Variants in CRYBB2 observed in about 807,000 individuals in gnomAD.
CRYBB2 encodes beta-crystallin B2.
Under a neutral mutation model 24.3 loss-of-function variants are expected in CRYBB2, and 12 were observed. The observed-to-expected ratio is 0.49, with a 90% CI of 0.32 to 0.80. The LOEUF (loss-of-function observed/expected upper bound fraction) is 0.80, where lower values mean the gene tolerates loss of function less well. Among genes scored for constraint, CRYBB2 ranks in the 30% least tolerant of loss-of-function variants. The pLI is 0.04. For synonymous variants in CRYBB2, 98 were observed against 101.6 expected, an observed-to-expected ratio of 0.96 and a Z score of 0.21; for missense variants, 198 against 268.5, an observed-to-expected ratio of 0.74 and a Z score of 1.83.
intron 3 of CRYBB2, among the ~76,000 whole-genome samples, chr22:25,225,533 A>C (rs1465213745): frequency 3.9e-5 from 6 of 152,000 alleles, no homozygotes; most frequent in South Asian, 2.1e-4. Context: ...TTTTTGGCAC[A>C]CTTGGGGGCC....
upstream of CRYBB2, among the ~76,000 whole-genome samples, chr22:25,215,938 T>C (rs368551976): frequency 1.1e-4 from 17 of 152,170 alleles, no homozygotes; most frequent in African/African-American, 4.1e-4. Context: ...GCTGTGCAAA[T>C]TTGGGCAAGT....
chr22:25,219,177 C>A (rs1935278425), upstream of CRYBB2, among the ~76,000 whole-genome samples: 1 of 152,184 alleles, frequency 6.6e-6, no homozygotes, highest in Non-Finnish European at 1.5e-5. Flanking sequence ...CTCTTCCTGA[C>A]ACTCCCCTGG....
chr22:25,214,200 C>A (rs1044274109), intron 1 of CRYBB2, among the ~76,000 whole-genome samples: 3 of 152,144 alleles, frequency 2.0e-5, no homozygotes, highest in Non-Finnish European at 4.4e-5. Context: ...TAGCTGTGCA[C>A]AGATGTGAAA....
rs765024256 is a variant in CRYBB2 at position 25,231,702 on chromosome 22, A to G, written c.548A>G (p.Gln183Arg). The change falls in exon 6 of 6, where the codon CAG becomes CGG. Residue 183 changes from glutamine to arginine, a missense_variant. Coordinates refer to ENST00000398215, the MANE Select transcript of CRYBB2 (RefSeq NM_000496.3). ...DSSDFGAPHPQVQSVRRIRDM... is the reference protein window; with the variant it reads ...DSSDFGAPHPRVQSVRRIRDM... ...AGCGACTTTGGGGCCCCTCACCCCCAGGTGCAGTCCGTGCGCCGTATCCGC... is the reference window on the plus strand; with the variant it reads ...AGCGACTTTGGGGCCCCTCACCCCCGGGTGCAGTCCGTGCGCCGTATCCGC... 1.2e-6 allele frequency: 2 copies of G among 1,614,014 alleles called. No individual in the cohort carries two copies. Among genetic ancestry groups the G allele is most frequent in the East Asian group, 2.2e-5 (1 of 44,880 alleles).
chr22:25,219,953 C>T (rs1935291136), intron 1 of CRYBB2, among the ~76,000 whole-genome samples: 1 of 152,030 alleles, frequency 6.6e-6, no homozygotes, highest in Admixed American at 6.6e-5. Flanking sequence ...CCTTGTTTCG[C>T]CAGTCGCTGA....
upstream of CRYBB2, among the ~76,000 whole-genome samples, chr22:25,219,121 G>A (rs553454095): frequency 2.6e-5 from 4 of 152,212 alleles, no homozygotes; most frequent in Non-Finnish European, 4.4e-5. Flanking sequence ...TGAGGGATGC[G>A]CTACCTCCCA....
upstream of CRYBB2, among the ~76,000 whole-genome samples, chr22:25,215,318 G>C (rs1272090123): frequency 6.6e-6 from 1 of 152,238 alleles, no homozygotes. Context: ...TGTGCCTTAA[G>C]GATATGCTCC....
At chr22:25,224,141 A>C (rs1027687650) in intron 2 of CRYBB2, among the ~76,000 whole-genome samples, 5 of 151,358 alleles carry the variant, frequency 3.3e-5, no homozygotes, top group African/African-American at 4.9e-5. Context: ...AAAAACAAAA[A>C]ACCTCACTGG....
upstream of CRYBB2, among the ~76,000 whole-genome samples, chr22:25,218,820 A>AAGAGAAAGAAAGAAAG (rs769717330): frequency 2.2e-5 from 2 of 91,088 alleles, no homozygotes; most frequent in Non-Finnish European, 4.2e-5. Flanking sequence ...GAAAGAAAGA[A>AAGAGAAAGAAAGAAAG]AGAAAGAAAG....
At chr22:25,213,348 T>C (rs1270920173) in intron 1 of CRYBB2, 1 of 152,150 alleles carries the variant, frequency 6.6e-6, no homozygotes, top group African/African-American at 2.4e-5. Flanking sequence ...GAAGATGAAG[T>C]GGAGAGGAAG....
At chr22:25,227,356 G>A (rs4404377) in intron 3 of CRYBB2, among the ~76,000 whole-genome samples, 68,894 of 151,808 alleles carry the variant, frequency 0.45, 16,809 homozygotes, top group East Asian at 0.87. Flanking sequence ...TGGGCACAGC[G>A]ATGTTCTGGA....
chr22:25,218,820 A>AAAGAAAGAAAG (rs1569016436), upstream of CRYBB2, among the ~76,000 whole-genome samples: 1 of 91,088 alleles, frequency 1.1e-5, no homozygotes, highest in Non-Finnish European at 2.1e-5. Flanking sequence ...GAAAGAAAGA[A>AAAGAAAGAAAG]AGAAAGAAAG....
intron 1 of CRYBB2, chr22:25,212,932 T>G (rs1376294072): frequency 1.3e-5 from 2 of 152,206 alleles, no homozygotes; most frequent in African/African-American, 4.8e-5. Flanking sequence ...CTAACGCATA[T>G]TAAGTTTAAT....
exon 1 of CRYBB2, chr22:25,212,760 G>A (rs1456728345): frequency 2.6e-5 from 4 of 152,140 alleles, no homozygotes; most frequent in Non-Finnish European, 5.9e-5. Context: ...AATCTTGGCG[G>A]AATGAATACC....
rs554912183 is a variant in CRYBB2, at chr22:25,224,903, C to T, written c.55-15C>T. ...TTCATCGTGATGAGGGTCTGAGTCT[C>T]GCTTCCTCTTGCAGATCATCATCTT... On this transcript the variant is annotated splice_polypyrimidine_tract_variant and intron_variant, in intron 2 of 5. Coordinates refer to ENST00000398215, the MANE Select transcript of CRYBB2 (RefSeq NM_000496.3). The T allele has an allele frequency of 1.7e-5, 24 of 1,389,806 alleles. 1 individual carries two copies. Among genetic ancestry groups the T allele is most frequent in the South Asian group, 3.5e-5 (3 of 86,564 alleles). 86.1% of individuals were successfully genotyped at this position (1,389,806 alleles called of 1,614,324 possible).
chr22:25,228,051 C>T, intron 4 of CRYBB2, 66 bp downstream of exon 4: 1 of 1,610,144 alleles, frequency 6.2e-7, no homozygotes, highest in Non-Finnish European at 8.5e-7. Flanking sequence ...TCTCTGCCAC[C>T]TTGGAGCTGG....
chr22:25,223,747 G>A (rs1317122550), intron 2 of CRYBB2, among the ~76,000 whole-genome samples: 1 of 152,286 alleles, frequency 6.6e-6, no homozygotes, highest in Middle Eastern at 3.4e-3. Context: ...CCCCGACTGA[G>A]AGTGTGCTGA....
At chr22:25,222,955 T>A (rs947502869) in intron 2 of CRYBB2, among the ~76,000 whole-genome samples, 5 of 152,180 alleles carry the variant, frequency 3.3e-5, no homozygotes, top group African/African-American at 1.2e-4. Context: ...TAATATGGAC[T>A]AATTACATGT....
chr22:25,219,136 C>T (rs572005158), upstream of CRYBB2, among the ~76,000 whole-genome samples: 3 of 152,316 alleles, frequency 2.0e-5, no homozygotes, highest in South Asian at 6.2e-4. Context: ...CTCCCAGGAG[C>T]TTTTCTGAAT....
Sources: gnomAD v4.1 joint callset for allele counts (sites outside exome capture counted in the v4.1 genomes callset) on GRCh38, gnomAD v4.1.1 for gene constraint, MANE v1.5 for transcripts, NCBI Gene and HGNC (gene_info 2026-07-23, HGNC 2026-07-21) for gene names.